ATAD2B: variants seen among roughly 807,000 people sequenced by gnomAD.
ATAD2B encodes the protein ATPase family AAA domain-containing protein 2B.
ATAD2B carries 40 observed loss-of-function variants against 167.6 expected under a neutral mutation model. The observed-to-expected ratio is 0.24, with a 90% CI of 0.19 to 0.31. The LOEUF (loss-of-function observed/expected upper bound fraction) is 0.31. Ranked by LOEUF, ATAD2B falls within the 10% of genes least tolerant of loss-of-function variation. The pLI is 1.00. For synonymous variants in ATAD2B, 579 were observed against 596.5 expected (o/e 0.97, Z 0.43); for missense variants, 1,242 against 1,757.2 (o/e 0.71, Z 5.24).
the ATAD2B span, among the ~76,000 whole-genome samples, chr2:23,692,128 G>T: frequency 6.6e-6 from 1 of 152,348 alleles, no homozygotes; most frequent in Admixed American, 6.5e-5. Context: ...ACTGTGCCCC[G>T]CCAGGCCTTG....
chr2:23,730,096 GT>G, the ATAD2B span, among the ~76,000 whole-genome samples: 2 of 151,792 alleles, frequency 1.3e-5, no homozygotes, highest in Non-Finnish European at 2.9e-5. Context: ...AGAATACACA[GT>G]TTTTTTTCAG....
intron 20 of ATAD2B, chr2:23,788,150 G>A (rs1308651360): frequency 5.2e-6 from 1 of 191,736 alleles, no homozygotes; most frequent in East Asian, 1.2e-4. Context: ...AAAAAGTAAT[G>A]AGCACAACAC....
At chr2:23,899,694 G>A (rs1296011458) in intron 1 of ATAD2B, among the ~76,000 whole-genome samples, 3 of 151,994 alleles carry the variant, frequency 2.0e-5, no homozygotes, top group Admixed American at 2.0e-4. Context: ...GGGTTCAAGC[G>A]ATTATCCTGC....
the ATAD2B span, among the ~76,000 whole-genome samples, chr2:23,737,561 A>G: frequency 2.0e-5 from 3 of 152,180 alleles, no homozygotes; most frequent in African/African-American, 7.2e-5. Context: ...CACCACCTTC[A>G]AAGACCAAAA....
chr2:23,892,647 T>A (rs1699702139), intron 2 of ATAD2B, among the ~76,000 whole-genome samples: 1 of 151,968 alleles, frequency 6.6e-6, no homozygotes. Context: ...TTTTTGTATT[T>A]TTAGTAGAAA....
At chr2:23,783,797 A>G (rs1025327701) in intron 21 of ATAD2B, among the ~76,000 whole-genome samples, 1 of 152,130 alleles carries the variant, frequency 6.6e-6, no homozygotes, top group Non-Finnish European at 1.5e-5. Flanking sequence ...TCAAGTAAAT[A>G]GGTTTGCTAT....
intron 19 of ATAD2B, among the ~76,000 whole-genome samples, chr2:23,792,251 G>T (rs146114353): frequency 1.7e-3 from 261 of 151,900 alleles, no homozygotes; most frequent in African/African-American, 5.6e-3. Flanking sequence ...GTTTCACTAC[G>T]TTGGCCAGGA....
chr2:23,882,502 TAAAAA>T (rs770725105), intron 6 of ATAD2B, among the ~76,000 whole-genome samples: 2 of 92,200 alleles, frequency 2.2e-5, no homozygotes, highest in African/African-American at 8.3e-5. Flanking sequence ...AGCCTCTATT[TAAAAA>T]AAAAAAAAAA....
chr2:23,830,659 C>T lies in ATAD2B; in HGVS notation c.1729-1720G>A, dbSNP rs148612495. ...AGGCATTCAGCTATGAAAGTTAAAG[C>T]AATGATATGACACTTATTTTCTTCC... On this transcript the variant is annotated intron_variant, in intron 14 of 27. Transcript: ENST00000238789. Among the ~76,000 whole-genome samples the T allele has an allele frequency of 5.7e-4, 87 of 152,156 alleles. No homozygotes were observed. The East Asian group carries it at 0.015, about 27-fold the overall frequency.
chr2:23,872,608 G>T, intron 8 of ATAD2B: 1 of 1,310,952 alleles, frequency 7.6e-7, no homozygotes, highest in East Asian at 2.3e-5. Context: ...TACTAATGTT[G>T]CTGTAGAAAG....
At chr2:23,823,878 CA>C (rs578105239) in intron 15 of ATAD2B, among the ~76,000 whole-genome samples, 26 of 151,094 alleles carry the variant, frequency 1.7e-4, no homozygotes, top group African/African-American at 5.8e-4. Flanking sequence ...AGCTTTAAAA[CA>C]AAAGCCATGT....
At chr2:23,839,433 A>T (rs1044564518) in intron 13 of ATAD2B, among the ~76,000 whole-genome samples, 2 of 152,128 alleles carry the variant, frequency 1.3e-5, no homozygotes, top group African/African-American at 4.8e-5. Context: ...CTCTAAGATG[A>T]AGACTTTATT....
At chr2:23,905,438 C>T (rs1018678730) in intron 1 of ATAD2B, among the ~76,000 whole-genome samples, 8 of 152,126 alleles carry the variant, frequency 5.3e-5, no homozygotes, top group Admixed American at 1.3e-4. Flanking sequence ...GTAGGTGGAT[C>T]GCTTGAGCCA....
intron 14 of ATAD2B, 87 bp from the exon 15 acceptor site, chr2:23,829,026 G>T: frequency 1.2e-6 from 1 of 837,664 alleles, no homozygotes; most frequent in Admixed American, 2.8e-5. Context: ...TACGTTAGGT[G>T]GAACAAATTT....
chr2:23,913,587 C>T (rs1702602215), intron 1 of ATAD2B, among the ~76,000 whole-genome samples: 1 of 151,240 alleles, frequency 6.6e-6, no homozygotes, highest in African/African-American at 2.4e-5. Context: ...CTGCAGTGAG[C>T]CGAGATCATG....
At chr2:23,910,962 C>T (rs1262031960) in intron 1 of ATAD2B, among the ~76,000 whole-genome samples, 1 of 152,072 alleles carries the variant, frequency 6.6e-6, no homozygotes, top group Non-Finnish European at 1.5e-5. Flanking sequence ...TGCAGCAGCT[C>T]ACACCTGTAA....
intron 16 of ATAD2B, among the ~76,000 whole-genome samples, chr2:23,820,149 G>A (rs568928218): frequency 6.6e-6 from 1 of 150,914 alleles, no homozygotes; most frequent in African/African-American, 2.4e-5. Flanking sequence ...AAAAAAACAA[G>A]TCTGGAAAAG....
intron 7 of ATAD2B, 63 bp downstream of exon 7, chr2:23,880,576 A>G: frequency 1.1e-6 from 1 of 897,460 alleles, no homozygotes; most frequent in East Asian, 2.6e-5. Flanking sequence ...AAAAAAAAAA[A>G]GCAGTGGGGC....
chr2:23,921,217 AAAAAAAAAAAAAAC>A (rs1703881347), intron 1 of ATAD2B, among the ~76,000 whole-genome samples: 9 of 150,614 alleles, frequency 6.0e-5, no homozygotes, highest in Admixed American at 5.3e-4. Context: ...AAAAAAAAAA[AAAAAAAAAAAAAAC>A]AACCCAAAGA....
Sources: gnomAD v4.1 joint callset for allele counts (sites outside exome capture counted in the v4.1 genomes callset) on GRCh38, gnomAD v4.1.1 for gene constraint, MANE v1.5 for transcripts, NCBI Gene and HGNC (gene_info 2026-07-23, HGNC 2026-07-21) for gene names.